The following TMC5 variants were observed in gnomAD, a reference collection of about 807,000 sequenced individuals.
TMC5 encodes transmembrane channel like 5.
Under a neutral mutation model 110.5 loss-of-function variants are expected in TMC5, and 86 were observed. The observed-to-expected ratio is 0.78, with a 90% confidence interval of 0.65 to 0.93. The LOEUF (loss-of-function observed/expected upper bound fraction) is 0.93. TMC5 is among the 40% of genes least tolerant of loss of function. TMC5 has a pLI of 0.00. For synonymous variants in TMC5, 455 were observed against 439.5 expected (o/e 1.04, Z -0.44); for missense variants, 1,144 against 1,222.8 (o/e 0.94, Z 0.96).
At chr16:19,466,943 G>A (rs1968205522) in intron 9 of TMC5, among the ~76,000 whole-genome samples, 1 of 152,016 alleles carries the variant, frequency 6.6e-6, no homozygotes, top group South Asian at 2.1e-4. Context: ...CCAGGAGTTC[G>A]AGACTGGACT....
At chr16:19,436,091 C>G (rs1488087619) in intron 2 of TMC5, among the ~76,000 whole-genome samples, 1 of 151,634 alleles carries the variant, frequency 6.6e-6, no homozygotes, top group Admixed American at 6.6e-5. Flanking sequence ...AGGAAACCCC[C>G]TCTCTACTAA....
upstream of TMC5, among the ~76,000 whole-genome samples, chr16:19,415,509 C>G (rs1424981409): frequency 6.6e-6 from 1 of 152,126 alleles, no homozygotes; most frequent in Non-Finnish European, 1.5e-5. Flanking sequence ...ACAGAGCAGT[C>G]CCCCCAGCTC....
intron 9 of TMC5, among the ~76,000 whole-genome samples, chr16:19,468,958 C>T (rs28415977): frequency 0.066 from 10,064 of 152,238 alleles, 692 homozygotes; most frequent in African/African-American, 0.17. Flanking sequence ...CACCACTGCA[C>T]TCTAGCCTGG....
At chr16:19,464,062 C>T in intron 8 of TMC5, 38 bp downstream of exon 8, 1 of 1,601,856 alleles carries the variant, frequency 6.2e-7, no homozygotes, top group South Asian at 1.1e-5. Flanking sequence ...GTGCACCAAT[C>T]ACCTCGGAAA....
chr16:19,429,444 G>A (rs1247560043), intron 1 of TMC5, among the ~76,000 whole-genome samples: 3 of 152,124 alleles, frequency 2.0e-5, no homozygotes, highest in Non-Finnish European at 4.4e-5. Flanking sequence ...TCATGGCATC[G>A]AGGCTGACAG....
chr16:19,449,112 A>G (rs1222450322), intron 4 of TMC5, among the ~76,000 whole-genome samples: 1 of 151,952 alleles, frequency 6.6e-6, no homozygotes, highest in Admixed American at 6.6e-5. Context: ...CGGCCTCCCA[A>G]AGTGCTGGGA....
intron 1 of TMC5, among the ~76,000 whole-genome samples, chr16:19,419,531 G>T (rs534002441): frequency 6.9e-6 from 1 of 145,072 alleles, no homozygotes; most frequent in East Asian, 2.2e-4. Flanking sequence ...TCCTGCCTCA[G>T]CCTCCGGAGT....
intron 7 of TMC5, 30 bp downstream of exon 7, chr16:19,463,397 G>T: frequency 2.0e-6 from 3 of 1,513,084 alleles, no homozygotes; most frequent in South Asian, 1.1e-5. Context: ...ACAGCAAGAG[G>T]GTGAAAACAG....
At position 19,437,131 on chromosome 16, in the gene TMC5, T is replaced by C. The variant is rs553184577; in HGVS notation, c.-79-2829T>C. Among the ~76,000 whole-genome samples, 42 of 152,312 alleles carry C rather than the reference T, an allele frequency of 2.8e-4. 1 individual carries two copies. In the South Asian group the frequency reaches 8.7e-3, roughly 32 times the overall value. ...TCGAGGTTGCATCGAGCTGTGATCA[T>C]GCCACTGCACTCTAGCCTGGACGGC... On this transcript the variant is annotated intron_variant, in intron 2 of 21. Coordinates refer to ENST00000542583, the MANE Select transcript of TMC5 (RefSeq NM_001261841.2).
intron 4 of TMC5, among the ~76,000 whole-genome samples, chr16:19,446,513 CAGCACTTG>C (rs1364161508): frequency 1.7e-4 from 26 of 152,200 alleles, no homozygotes; most frequent in Non-Finnish European, 1.5e-5. Context: ...AGTCTCTGTC[CAGCACTTG>C]ACTTTTATTA....
upstream of TMC5, among the ~76,000 whole-genome samples, chr16:19,416,399 T>C (rs1395419079): frequency 6.6e-6 from 1 of 152,218 alleles, no homozygotes; most frequent in Non-Finnish European, 1.5e-5. Flanking sequence ...TGTATGAATA[T>C]AAAATCTCCT....
chr16:19,469,858 G>A, intron 10 of TMC5, 33 bp downstream of exon 10: 1 of 1,611,932 alleles, frequency 6.2e-7, no homozygotes, highest in Non-Finnish European at 8.5e-7. Flanking sequence ...ATTTGCCATC[G>A]GCTGGTCTCC....
intron 20 of TMC5, among the ~76,000 whole-genome samples, chr16:19,495,503 T>G (rs1403653502): frequency 6.6e-6 from 1 of 152,240 alleles, no homozygotes; most frequent in East Asian, 1.9e-4. Flanking sequence ...CTGTACATAT[T>G]TGGATATTTG....
intron 12 of TMC5, among the ~76,000 whole-genome samples, chr16:19,475,193 A>T (rs906078199): frequency 6.6e-6 from 1 of 152,136 alleles, no homozygotes; most frequent in Non-Finnish European, 1.5e-5. Context: ...AGGCCAAGGC[A>T]GGTGGATCAC....
chr16:19,495,451 G>A (rs2856609), intron 20 of TMC5, among the ~76,000 whole-genome samples: 96,668 of 151,962 alleles, frequency 0.64, 32,295 homozygotes, highest in South Asian at 0.77. Context: ...TCCCTCCCCC[G>A]CAGCCCACCA....
At chr16:19,413,928 A>G (rs1260841304), upstream of TMC5, among the ~76,000 whole-genome samples, 1 of 152,232 alleles carries the variant, frequency 6.6e-6, no homozygotes, top group Admixed American at 6.5e-5. Flanking sequence ...TACCTAACTC[A>G]TAGGGCTGCT....
intron 1 of TMC5, among the ~76,000 whole-genome samples, chr16:19,427,124 T>C (rs1482666446): frequency 6.6e-6 from 1 of 152,124 alleles, no homozygotes; most frequent in East Asian, 1.9e-4. Context: ...CCAAGCTTGA[T>C]GTTGTCAGAT....
At position 19,472,147 on chromosome 16, in the gene TMC5, C is replaced by T. The variant is rs1448366249; in HGVS notation, c.1842C>T (p.Thr614=). 6.2e-7 allele frequency: 1 copy of T among 1,614,190 alleles called. No homozygotes were observed. Among genetic ancestry groups the T allele is most frequent in the Admixed American group, 1.7e-5 (1 of 60,022 alleles). ...NSKLTFNQLL[T]RFSAYMVAWV... ...AGTTGACGTTCAATCAGCTGCTGAC[C>T]CGCTTCTCTGCCTACATGGTAGCCT... The change falls in exon 11 of 22, where the codon ACC becomes ACT. Residue 614 remains threonine, a synonymous_variant. Coordinates refer to ENST00000542583, the MANE Select transcript of TMC5 (RefSeq NM_001261841.2).
intron 8 of TMC5, among the ~76,000 whole-genome samples, chr16:19,465,118 TCCCTC>T (rs1567314846): frequency 0.023 from 1,218 of 52,944 alleles, 9 homozygotes; most frequent in Non-Finnish European, 0.059. Flanking sequence ...CCTTCCTCCC[TCCCTC>T]CCTCCCTCCC....
Sources: allele counts gnomAD v4.1 joint callset (sites outside exome capture counted in the v4.1 genomes callset), GRCh38; gene constraint gnomAD v4.1.1; transcripts MANE v1.5; gene names NCBI Gene and HGNC (gene_info 2026-07-23, HGNC 2026-07-21).